RELT: variants seen among roughly 807,000 people sequenced by gnomAD.
RELT encodes the protein tumor necrosis factor receptor superfamily member 19L.
In RELT, 37 loss-of-function variants were observed where a neutral mutation model predicts 51.1. The ratio of observed to expected loss-of-function variants is 0.72; its 90% CI spans 0.56 to 0.95. The LOEUF is 0.95. RELT is among the 40% of genes least tolerant of loss of function. RELT has a pLI of 0.00. For missense variants in RELT, 535 were observed against 572.6 expected, an observed-to-expected ratio of 0.93 and a Z score of 0.67; for synonymous variants, 241 against 235.7, an observed-to-expected ratio of 1.02 and a Z score of -0.21.
At position 73,388,305 on chromosome 11, in the gene RELT, T is replaced by G. The variant is rs542024882; in HGVS notation, c.-25-807T>G. 1.2e-3 allele frequency among the ~76,000 whole-genome samples: 181 copies of G among 152,330 alleles called. 2 individuals are homozygous for G. Among genetic ancestry groups the G allele is most frequent in the African/African-American group, 4.1e-3 (172 of 41,582 alleles). On this transcript the variant is annotated intron_variant, in intron 1 of 10. Coordinates refer to ENST00000064780, the MANE Select transcript of RELT (RefSeq NM_152222.2). The surrounding 1 kb of genome is among the most constrained non-coding windows in gnomAD (Gnocchi z 4.1). ...ACAGGGACCTTGTCTGTCTTGTTCA[T>G]ACCGATTTCTCCAGTGCCCGCACGC...
At chr11:73,386,395 T>C (rs1198270485) in intron 1 of RELT, among the ~76,000 whole-genome samples, 1 of 152,206 alleles carries the variant, frequency 6.6e-6, no homozygotes, top group African/African-American at 2.4e-5. Context: ...AACTGTTTTT[T>C]TGGTCACGGT....
chr11:73,387,298 G>A (rs1240097092), intron 1 of RELT, among the ~76,000 whole-genome samples: 1 of 152,178 alleles, frequency 6.6e-6, no homozygotes, highest in African/African-American at 2.4e-5. Context: ...GGCCTAGTGG[G>A]GAAGTGAAGC....
intron 1 of RELT, among the ~76,000 whole-genome samples, chr11:73,384,971 G>A (rs1023165699): frequency 5.3e-5 from 8 of 152,038 alleles, no homozygotes; most frequent in South Asian, 4.1e-4. Flanking sequence ...CAGGTGCAGC[G>A]TGTGTGAGGG....
rs931615096 is a variant in RELT at position 73,376,465 on chromosome 11, G to C, written c.-60G>C. 3.9e-5 allele frequency: 6 copies of C among 151,972 alleles called. No individual in the cohort carries two copies. Among genetic ancestry groups the C allele is most frequent in the Admixed American group, 3.9e-4 (6 of 15,266 alleles). The allele number at this position is 151,972 out of a possible 1,614,324, so 9.4% of individuals were successfully genotyped here. The stretch of plus-strand genomic sequence containing the variant: ...GCCGGGCCGCGGCGCCGAGTCGAAC[G>C]GGGAGCCGAGCTGGAGCTGCCGCGG... On this transcript the variant is annotated 5_prime_UTR_variant, in exon 1 of 11. Transcript: ENST00000064780.
At chr11:73,381,437 A>G (rs982553133) in intron 1 of RELT, among the ~76,000 whole-genome samples, 1 of 152,174 alleles carries the variant, frequency 6.6e-6, no homozygotes, top group African/African-American at 2.4e-5. Context: ...CCTCCTGCAC[A>G]GACCCTTTCC....
At chr11:73,385,593 C>T (rs551064234) in intron 1 of RELT, among the ~76,000 whole-genome samples, 2 of 152,308 alleles carry the variant, frequency 1.3e-5, no homozygotes, top group African/African-American at 4.8e-5. Context: ...TCCCTGCCCT[C>T]ACCACTGTCT....
At chr11:73,387,364 G>T (rs771569760) in intron 1 of RELT, among the ~76,000 whole-genome samples, 1 of 152,234 alleles carries the variant, frequency 6.6e-6, no homozygotes, top group African/African-American at 2.4e-5. Flanking sequence ...AAAGGACAGA[G>T]GAGGGGCCAT....
intron 1 of RELT, among the ~76,000 whole-genome samples, chr11:73,378,402 T>C (rs1308962366): frequency 6.6e-6 from 1 of 152,198 alleles, no homozygotes; most frequent in East Asian, 1.9e-4. Context: ...TCTGTCTTGT[T>C]GAATCTTCGC....
rs1301148260 is a variant in RELT, at chr11:73,392,829, G to C, written c.625+361G>C. The C allele has an allele frequency of 3.4e-6, 4 of 1,169,400 alleles. No individual in the cohort carries two copies. In the African/African-American group the frequency reaches 4.7e-5, roughly 14 times the overall value. The allele number at this position is 1,169,400 out of a possible 1,614,324, so 72.4% of individuals were successfully genotyped here. On this transcript the variant is annotated intron_variant, in intron 6 of 10. Coordinates refer to ENST00000064780, the MANE Select transcript of RELT (RefSeq NM_152222.2). ...GACCTCTGACCTCTGGCCTGGAGTA[G>C]CAGGAGTGCCCTGTGGCAGGAGGGC...
At chr11:73,393,228 G>T in intron 6 of RELT, 1 of 1,001,502 alleles carries the variant, frequency 1.0e-6, no homozygotes. Context: ...GAGGAAACGT[G>T]GTGACTCAGG....
chr11:73,391,560 C>G (rs1014499182), intron 5 of RELT, among the ~76,000 whole-genome samples: 1 of 152,152 alleles, frequency 6.6e-6, no homozygotes. Flanking sequence ...AATCTCAGCA[C>G]TTTGGGAGGC....
chr11:73,395,730 C>T lies in RELT; in HGVS notation c.*239C>T, dbSNP rs987770721. The T allele has an allele frequency of 7.0e-6, 4 of 573,822 alleles. No individual in the cohort carries two copies. In the East Asian group the frequency reaches 8.6e-5, roughly 12 times the overall value. 35.5% of individuals were successfully genotyped at this position (573,822 alleles called of 1,614,324 possible). ...CCCCTGGCCCTGCTGCCATGTTGCT[C>T]CCCTGAAGGATGCCCCGACCCCCGT... On this transcript the variant is annotated 3_prime_UTR_variant, in exon 11 of 11. Coordinates refer to ENST00000064780, the MANE Select transcript of RELT (RefSeq NM_152222.2).
In RELT at chr11:73,391,100, T is replaced by A. The variant is rs1372958205; in HGVS notation, c.288-44T>A. ...ATCCAGCCTCTCCTAAGGATAGTGT[T>A]TGGGGAAACTTCTGGGCCTCAGTGG... On this transcript the variant is annotated intron_variant, in intron 4 of 10. Coordinates refer to ENST00000064780, the MANE Select transcript of RELT (RefSeq NM_152222.2). 3.8e-6 allele frequency: 6 copies of A among 1,592,004 alleles called. No homozygotes were observed. In the East Asian group the frequency reaches 1.3e-4, roughly 36 times the overall value.
Position 73,392,223 on chromosome 11 carries a change from G to A in RELT, c.380G>A (p.Arg127Gln), listed in dbSNP as rs754074298. The A allele has an allele frequency of 1.4e-5, 23 of 1,611,022 alleles. No homozygotes were observed. Among genetic ancestry groups the A allele is most frequent in the South Asian group, 5.5e-5 (5 of 90,808 alleles). Residue 127 changes from arginine to glutamine, a missense_variant, in exon 6 of 11, where the codon CGG becomes CAG. Coordinates refer to ENST00000064780, the MANE Select transcript of RELT (RefSeq NM_152222.2). ...CTGTGATGCTCAGAGTGGGGGCGGCGGGCCCGACGTGGCGTGGAGGTGGCA... is the reference window on the plus strand; with the variant it reads ...CTGTGATGCTCAGAGTGGGGGCGGCAGGCCCGACGTGGCGTGGAGGTGGCA... ...GTHGCDEWGR[R>Q]ARRGVEVAAG...
chr11:73,384,629 C>T (rs1866095992), intron 1 of RELT: 1 of 152,326 alleles, frequency 6.6e-6, no homozygotes, highest in African/African-American at 2.4e-5. Context: ...CAGGTTAGCC[C>T]AGGGGTTCAG....
In RELT at chr11:73,392,409, A is replaced by G; in HGVS notation, c.566A>G (p.Lys189Arg). ...CTGGTGTGCAACCTCCTCAAGCGGA[A>G]GGGCTACCACTGCACGGCGCACAAG... ...GILVCNLLKR[K>R]GYHCTAHKEV... Residue 189 changes from lysine (K) to arginine (R), a missense_variant, in exon 6 of 11, where the codon AAG (lysine) becomes AGG (arginine). By Grantham distance (26) the Lys-to-Arg change is conservative. Coordinates refer to ENST00000064780, the MANE Select transcript of RELT (RefSeq NM_152222.2). 1 of 1,613,738 alleles carries G rather than the reference A, an allele frequency of 6.2e-7. No homozygotes were observed.
intron 1 of RELT, chr11:73,384,526 C>T (rs1021973372): frequency 6.6e-6 from 1 of 152,406 alleles, no homozygotes; most frequent in Non-Finnish European, 1.5e-5. Flanking sequence ...ATGTGATTCT[C>T]TTCTTTCAGC....
At position 73,393,911 on chromosome 11, in the gene RELT, A is replaced by T; in HGVS notation, c.700A>T (p.Lys234Ter). The T allele has an allele frequency of 6.2e-7, 1 of 1,613,788 alleles. No individual in the cohort carries two copies. Reference sequence around the variant, plus strand: ...GGTCCTGGTGCGCTTGATCACAGAGAAGAAAGGTGAGGAGAAGGTCTGACC... The same window carrying T: ...GGTCCTGGTGCGCTTGATCACAGAGTAGAAAGGTGAGGAGAAGGTCTGACC... ...IGVLVRLITEKKENAAALEEL... is the reference protein window; with the variant it reads ...IGVLVRLITE The change falls in exon 7 of 11, where the codon AAG becomes TAG. Residue 234 changes from lysine (K) to a stop codon, truncating the protein, a stop_gained. Coordinates refer to ENST00000064780, the MANE Select transcript of RELT (RefSeq NM_152222.2). LOFTEE classifies it high-confidence loss of function.
chr11:73,392,108 A>T (rs1458826512), intron 5 of RELT, 103 bp from the exon 6 acceptor site: 2 of 1,380,982 alleles, frequency 1.4e-6, no homozygotes, highest in Non-Finnish European at 2.0e-6. Flanking sequence ...CCCTGGGCAC[A>T]TTGGCTCTCC....
Sources: gnomAD v4.1 joint callset for allele counts (sites outside exome capture counted in the v4.1 genomes callset) on GRCh38, gnomAD v4.1.1 for gene constraint, Gnocchi (gnomAD v3.1) non-coding constraint, MANE v1.5 for transcripts, NCBI Gene and HGNC (gene_info 2026-07-23, HGNC 2026-07-21) for gene names.